MOSPD2: variants seen among roughly 807,000 people sequenced by gnomAD.
MOSPD2 encodes motile sperm domain-containing protein 2.
Under a neutral mutation model 41.7 loss-of-function variants are expected in MOSPD2, and 5 were observed. The observed-to-expected ratio is 0.12, with a 90% CI of 0.06 to 0.25. MOSPD2 has a LOEUF of 0.25. Ranked by LOEUF, MOSPD2 falls within the 10% of genes least tolerant of loss-of-function variation. The pLI, the probability that MOSPD2 is intolerant of heterozygous loss-of-function variation, is 1.00. For missense variants in MOSPD2, 282 were observed against 375.2 expected (o/e 0.75, Z 2.05); for synonymous variants, 115 against 126.9 (o/e 0.91, Z 0.63).
rs150260698 is a variant in MOSPD2, at chrX:14,895,214, G to A, written c.236-94G>A. 2.9e-3 allele frequency: 1,518 copies of A among 529,463 alleles called. 23 individuals are homozygous for A. The African/African-American group carries it at 0.034, about 12-fold the overall frequency. The allele number at this position is 529,463 out of a possible 1,213,427, so 43.6% of individuals were successfully genotyped here. A position where few individuals can be genotyped will look rare whatever the true frequency, so the allele number is the denominator to read the frequency against. On this transcript the variant is annotated intron_variant, in intron 3 of 14. Coordinates refer to ENST00000380492, the MANE Select transcript of MOSPD2 (RefSeq NM_152581.4). ...TTGGGTACATTATATCATTTTTAAA[G>A]CTCAGAACTACTACATAACATTATC...
intron 3 of MOSPD2, among the ~76,000 whole-genome samples, chrX:14,893,728 T>C (rs1332992330): frequency 8.9e-6 from 1 of 112,440 alleles, no homozygotes; most frequent in Non-Finnish European, 1.9e-5. Flanking sequence ...AAGGAATCCC[T>C]GAAAGGGGGA....
intron 2 of MOSPD2, among the ~76,000 whole-genome samples, chrX:14,879,680 T>C (rs1383598749): frequency 9.0e-6 from 1 of 111,710 alleles, no homozygotes. Context: ...ACCAGTAAAA[T>C]GAGTAGGTGG....
At chrX:14,899,616 T>TTA (rs1376193373) in intron 5 of MOSPD2, among the ~76,000 whole-genome samples, 22 of 75,723 alleles carry the variant, frequency 2.9e-4, no homozygotes, top group Non-Finnish European at 6.1e-4. Flanking sequence ...AAAGGTATTA[T>TTA]TATATATATA....
chrX:14,894,124 T>TTTTC (rs909730117), intron 3 of MOSPD2, among the ~76,000 whole-genome samples: 4 of 110,431 alleles, frequency 3.6e-5, no homozygotes, highest in African/African-American at 1.3e-4. Context: ...TTATCTTCTC[T>TTTTC]TTTCTTTCTT....
intron 11 of MOSPD2, among the ~76,000 whole-genome samples, chrX:14,915,259 G>A (rs773358888): frequency 6.2e-5 from 7 of 112,057 alleles, no homozygotes; most frequent in Non-Finnish European, 9.4e-5. Context: ...CAGATGGATT[G>A]TTTTATTTAA....
intron 2 of MOSPD2, among the ~76,000 whole-genome samples, chrX:14,881,124 T>C (rs994716371): frequency 8.9e-6 from 1 of 111,741 alleles, no homozygotes; most frequent in East Asian, 2.8e-4. Flanking sequence ...GAGTTTCAGA[T>C]CTTGTATCCT....
intron 2 of MOSPD2, 88 bp from the exon 3 acceptor site, chrX:14,892,635 G>T: frequency 1.4e-6 from 1 of 699,818 alleles, no homozygotes; most frequent in Non-Finnish European, 2.2e-6. Context: ...ACTTTGTCTT[G>T]GAAGTCTTTC....
intron 14 of MOSPD2, among the ~76,000 whole-genome samples, chrX:14,919,377 A>G (rs2092605539): frequency 8.9e-6 from 1 of 111,791 alleles, no homozygotes; most frequent in Non-Finnish European, 1.9e-5. Context: ...AAAGAGACAG[A>G]GGGGCTCTCT....
At chrX:14,903,299 A>AGCC (rs1213455337) in intron 7 of MOSPD2, among the ~76,000 whole-genome samples, 2 of 109,229 alleles carry the variant, frequency 1.8e-5, no homozygotes, top group East Asian at 5.8e-4. Flanking sequence ...ACTTGAACCC[A>AGCC]TGAGTTTGAG....
Position 14,921,304 on chromosome X carries a change from A to G in MOSPD2, c.*1495A>G, listed in dbSNP as rs1602044667. 3.2e-6 allele frequency: 3 copies of G among 933,061 alleles called. No individual in the cohort carries two copies. The highest frequency in any genetic ancestry group is 5.9e-5 in the Admixed American group (1 of 16,907). The allele number at this position is 933,061 out of a possible 1,213,427, so 76.9% of individuals were successfully genotyped here. A position where few individuals can be genotyped will look rare whatever the true frequency, so the allele number is the denominator to read the frequency against. On this transcript the variant is annotated 3_prime_UTR_variant, in exon 15 of 15. Transcript: ENST00000380492. ...GAAGAATGATATAACAGTTCCTTCA[A>G]AATTGGCCTAGGAAATAAAACCTTA... is the stretch of plus-strand genomic sequence containing the variant.
intron 5 of MOSPD2, among the ~76,000 whole-genome samples, chrX:14,897,972 T>C (rs1204631241): frequency 8.9e-6 from 1 of 112,305 alleles, no homozygotes; most frequent in Non-Finnish European, 1.9e-5. Flanking sequence ...TAATGTCGTA[T>C]TCACAAACGT....
intron 9 of MOSPD2, 120 bp downstream of exon 9, chrX:14,911,533 G>T (rs949305282): frequency 3.2e-5 from 16 of 504,551 alleles, no homozygotes; most frequent in Admixed American, 2.1e-4. Context: ...ACATTTTTGT[G>T]TGTAAAAAGA....
intron 2 of MOSPD2, among the ~76,000 whole-genome samples, chrX:14,890,771 C>T (rs1248999111): frequency 9.0e-6 from 1 of 111,620 alleles, no homozygotes; most frequent in African/African-American, 3.3e-5. Context: ...GGCCTTTCAG[C>T]TATTATCTCT....
At position 14,921,249 on chromosome X, in the gene MOSPD2, T is replaced by G; in HGVS notation, c.*1440T>G. 1 of 925,479 alleles carries G rather than the reference T, an allele frequency of 1.1e-6. No homozygotes were observed. The highest frequency in any genetic ancestry group is 1.3e-6 in the Non-Finnish European group (1 of 747,906). The allele number at this position is 925,479 out of a possible 1,213,427, so 76.3% of individuals were successfully genotyped here. A position where few individuals can be genotyped will look rare whatever the true frequency, so the allele number is the denominator to read the frequency against. ...AAGGGTAGTGTTGTTGGTTTTCATCTTCAAGAAGTTGATTCCAAAACTGAG... is the reference window on the plus strand; with the variant it reads ...AAGGGTAGTGTTGTTGGTTTTCATCGTCAAGAAGTTGATTCCAAAACTGAG... On this transcript the variant is annotated 3_prime_UTR_variant, in exon 15 of 15. Transcript: ENST00000380492.
chrX:14,905,270 T>G (rs1228189301), intron 7 of MOSPD2, among the ~76,000 whole-genome samples: 2 of 111,162 alleles, frequency 1.8e-5, no homozygotes, highest in African/African-American at 6.6e-5. Flanking sequence ...CACGGAAAAT[T>G]ACAAAACCCC....
intron 5 of MOSPD2, among the ~76,000 whole-genome samples, chrX:14,899,156 C>T (rs1378547646): frequency 1.1e-5 from 1 of 92,880 alleles, no homozygotes; most frequent in Non-Finnish European, 2.5e-5. Flanking sequence ...GGACGTTTTA[C>T]AAGATAATAA....
chrX:14,885,849 T>C, intron 2 of MOSPD2, among the ~76,000 whole-genome samples: 1 of 112,101 alleles, frequency 8.9e-6, no homozygotes, highest in Middle Eastern at 4.6e-3. Context: ...TTATTTTCTA[T>C]TCTATAATTT....
At chrX:14,875,280 C>T (rs764563324) in intron 2 of MOSPD2, among the ~76,000 whole-genome samples, 1 of 112,304 alleles carries the variant, frequency 8.9e-6, no homozygotes, top group East Asian at 2.8e-4. Flanking sequence ...ATGTCACTCT[C>T]CAGCTTGAAA....
intron 2 of MOSPD2, among the ~76,000 whole-genome samples, chrX:14,888,207 C>T (rs1477199001): frequency 5.9e-5 from 1 of 16,941 alleles, no homozygotes; most frequent in African/African-American, 2.3e-4. Context: ...CACACACACG[C>T]ACACACACAC....
Sources: allele counts gnomAD v4.1 joint callset (sites outside exome capture counted in the v4.1 genomes callset), GRCh38; gene constraint gnomAD v4.1.1; transcripts MANE v1.5; gene names NCBI Gene and HGNC (gene_info 2026-07-23, HGNC 2026-07-21).